The following PAFAH1B1 variants were observed in gnomAD, a reference collection of about 807,000 sequenced individuals.
PAFAH1B1 encodes the protein platelet activating factor acetylhydrolase 1b regulatory subunit 1.
PAFAH1B1 carries 2 observed loss-of-function variants against 57.5 expected under a neutral mutation model. The observed-to-expected ratio is 0.03, with a 90% CI of 0.01 to 0.11. PAFAH1B1 has a LOEUF of 0.11. Ranked by LOEUF, PAFAH1B1 falls within the 10% of genes least tolerant of loss-of-function variation. PAFAH1B1 has a pLI of 1.00. For synonymous variants in PAFAH1B1, 152 were observed against 169.6 expected (o/e 0.90, Z 0.81); for missense variants, 257 against 512.0 (o/e 0.50, Z 4.81).
intron 2 of PAFAH1B1, among the ~76,000 whole-genome samples, chr17:2,655,099 T>C (rs8077138): frequency 0.74 from 112,178 of 151,384 alleles, 41,798 homozygotes; most frequent in East Asian, 0.95. Flanking sequence ...CATGCCCAGC[T>C]TGTGTTAGAT....
chr17:2,670,427 C>T (rs1027712371), intron 6 of PAFAH1B1, 96 bp downstream of exon 6: 16 of 1,154,328 alleles, frequency 1.4e-5, no homozygotes, highest in Non-Finnish European at 2.1e-5. Context: ...CTTTATTCAC[C>T]TCTTAATTGT....
At chr17:2,658,613 C>CTGGG (rs1422648065) in intron 2 of PAFAH1B1, among the ~76,000 whole-genome samples, 1 of 152,098 alleles carries the variant, frequency 6.6e-6, no homozygotes, top group Non-Finnish European at 1.5e-5. Flanking sequence ...GGCTAGTATA[C>CTGGG]TGGGTACAGG....
chr17:2,638,487 A>G (rs1256224908), intron 2 of PAFAH1B1, 167 bp downstream of exon 2: 1 of 593,734 alleles, frequency 1.7e-6, no homozygotes, highest in African/African-American at 1.9e-5. Context: ...TCTTATTATG[A>G]TATAGCATTA....
intron 1 of PAFAH1B1, among the ~76,000 whole-genome samples, chr17:2,606,570 C>T (rs1031282737): frequency 2.6e-5 from 4 of 151,984 alleles, no homozygotes; most frequent in Non-Finnish European, 4.4e-5. Flanking sequence ...ACCACGTTGG[C>T]CAGGCTGGTC....
intron 2 of PAFAH1B1, among the ~76,000 whole-genome samples, chr17:2,656,982 C>T (rs906491147): frequency 4.6e-5 from 7 of 151,976 alleles, no homozygotes; most frequent in Non-Finnish European, 7.4e-5. Context: ...AGTGCAGTGG[C>T]GCAGCCTGGG....
rs1327678307 is a variant in PAFAH1B1, at chr17:2,683,489, G to A, written c.*1687G>A. 3.3e-5 allele frequency: 5 copies of A among 152,176 alleles called. No homozygotes were observed. The highest frequency in any genetic ancestry group is 7.3e-5 in the Non-Finnish European group (5 of 68,028). 9.4% of individuals were successfully genotyped at this position (152,176 alleles called of 1,614,324 possible). A position where few individuals can be genotyped will look rare whatever the true frequency, so the allele number is the denominator to read the frequency against. On this transcript the variant is annotated 3_prime_UTR_variant, in exon 11 of 11. Transcript: ENST00000397195. ...TGCAAAAGACAAAGGGTGAGAGTTA[G>A]CGTCCTGTAGATACACACAGAGACT... is the stretch of plus-strand genomic sequence containing the variant.
At chr17:2,650,372 C>T (rs867207476) in intron 2 of PAFAH1B1, among the ~76,000 whole-genome samples, 4 of 151,962 alleles carry the variant, frequency 2.6e-5, no homozygotes, top group East Asian at 1.9e-4. Flanking sequence ...ATTAGCCAGA[C>T]GTGGCGGTGT....
chr17:2,644,270 A>G (rs1304806976), intron 2 of PAFAH1B1, among the ~76,000 whole-genome samples: 2 of 151,896 alleles, frequency 1.3e-5, no homozygotes, highest in Admixed American at 6.6e-5. Context: ...GGCTGGGCAC[A>G]GTGACTCATG....
intron 2 of PAFAH1B1, among the ~76,000 whole-genome samples, chr17:2,660,980 A>T (rs909257466): frequency 9.2e-5 from 14 of 151,862 alleles, no homozygotes; most frequent in African/African-American, 3.4e-4. Context: ...TGTGGTTTTG[A>T]TTTGCATTTC....
At chr17:2,606,990 A>G (rs2068212886) in intron 1 of PAFAH1B1, among the ~76,000 whole-genome samples, 2 of 145,810 alleles carry the variant, frequency 1.4e-5, no homozygotes, top group African/African-American at 2.5e-5. Context: ...ACGCCTGGCT[A>G]ACTTTTTGTA....
chr17:2,633,732 A>T (rs1166999239), intron 1 of PAFAH1B1, among the ~76,000 whole-genome samples: 1 of 152,026 alleles, frequency 6.6e-6, no homozygotes. Flanking sequence ...ATCCAACCTT[A>T]CTTTGCTTGA....
chr17:2,615,982 G>A (rs904703039), intron 1 of PAFAH1B1, among the ~76,000 whole-genome samples: 3 of 152,152 alleles, frequency 2.0e-5, no homozygotes, highest in African/African-American at 7.2e-5. Context: ...GCTTACAAGC[G>A]GCAGAGGCAG....
rs2069267945 is a variant in PAFAH1B1 at position 2,676,355 on chromosome 17, G to T, written c.901-150G>T. On this transcript the variant is annotated intron_variant, in intron 8 of 10. Transcript: ENST00000397195. ...ATTGCACCACGGTACTCCAGCCTGG[G>T]TGACAGAGCCAGACTCCGTCTGAAA... 8.0e-6 allele frequency: 5 copies of T among 627,218 alleles called. No individual in the cohort carries two copies. The South Asian group carries it at 8.7e-5, about 11-fold the overall frequency. The allele number at this position is 627,218 out of a possible 1,614,324, so 38.9% of individuals were successfully genotyped here.
At chr17:2,603,421 G>C (rs2068168120) in intron 1 of PAFAH1B1, among the ~76,000 whole-genome samples, 1 of 152,140 alleles carries the variant, frequency 6.6e-6, no homozygotes, top group Non-Finnish European at 1.5e-5. Flanking sequence ...AGGAGTTCGA[G>C]ACCAGCCTGG....
intron 1 of PAFAH1B1, among the ~76,000 whole-genome samples, chr17:2,626,102 A>G (rs928557686): frequency 3.4e-4 from 51 of 151,924 alleles, no homozygotes; most frequent in Non-Finnish European, 5.6e-4. Context: ...AATACAAAAA[A>G]ATTTAGCTAG....
At chr17:2,651,371 G>T (rs1357419285) in intron 2 of PAFAH1B1, among the ~76,000 whole-genome samples, 1 of 146,652 alleles carries the variant, frequency 6.8e-6, no homozygotes, top group African/African-American at 2.5e-5. Context: ...GAGGTCAGGG[G>T]TTCAAGACCA....
chr17:2,631,201 A>C (rs1223836742), intron 1 of PAFAH1B1, among the ~76,000 whole-genome samples: 1 of 152,050 alleles, frequency 6.6e-6, no homozygotes, highest in Non-Finnish European at 1.5e-5. Context: ...AGGTTGGACC[A>C]CTGCACTTCA....
chr17:2,646,921 G>A (rs1345140599), intron 2 of PAFAH1B1, among the ~76,000 whole-genome samples: 1 of 152,044 alleles, frequency 6.6e-6, no homozygotes, highest in African/African-American at 2.4e-5. Context: ...TTATAAGGTG[G>A]GCACCACCTT....
At chr17:2,594,035 C>T (rs1015166347) in intron 1 of PAFAH1B1, 29 bp downstream of exon 1, 5 of 398,390 alleles carry the variant, frequency 1.3e-5, no homozygotes, top group Non-Finnish European at 8.8e-6. Flanking sequence ...GCGCCCTCCC[C>T]TCTGTCTCCT....
Sources: allele counts gnomAD v4.1 joint callset (sites outside exome capture counted in the v4.1 genomes callset), GRCh38; gene constraint gnomAD v4.1.1; transcripts MANE v1.5; gene names NCBI Gene and HGNC (gene_info 2026-07-23, HGNC 2026-07-21).